The following NXPH1 variants were observed in gnomAD, a reference collection of about 807,000 sequenced individuals.
NXPH1 encodes neurexophilin-1.
A neutral mutation model predicts 23.7 loss-of-function variants in NXPH1; 5 were observed. That is an observed-to-expected ratio of 0.21 (90% confidence interval 0.11 to 0.44). The LOEUF (loss-of-function observed/expected upper bound fraction) is 0.44, where lower values mean the gene tolerates loss of function less well. Among genes scored for constraint, NXPH1 ranks in the 20% least tolerant of loss-of-function variants. The probability of loss-of-function intolerance (pLI) is 0.99; values close to 1 mark genes in which losing one functional copy is unlikely to be tolerated. For synonymous variants in NXPH1, 144 were observed against 122.2 expected (o/e 1.18, Z -1.18); for missense variants, 324 against 321.6 (o/e 1.01, Z -0.06).
chr7:8,564,843 C>G (rs1292912694), intron 2 of NXPH1, among the ~76,000 whole-genome samples: 1 of 151,720 alleles, frequency 6.6e-6, no homozygotes, highest in Non-Finnish European at 1.5e-5. Flanking sequence ...ACAGTCTTTG[C>G]TGGAAATAAG....
rs2107277 is a variant in NXPH1 at position 8,618,337 on chromosome 7, C to A, written c.55-132671C>A. Among the ~76,000 whole-genome samples, 96 of 152,082 alleles carry A rather than the reference C, an allele frequency of 6.3e-4. No homozygotes were observed. The East Asian group carries it at 0.015, about 25-fold the overall frequency. On this transcript the variant is annotated intron_variant, in intron 2 of 2. Coordinates refer to ENST00000405863, the MANE Select transcript of NXPH1 (RefSeq NM_152745.3). ...CTGACTGTATTCATACAGCTGACATCTGTGGCACTAATTCTCAGAGCTGGC... is the reference window on the plus strand; with the variant it reads ...CTGACTGTATTCATACAGCTGACATATGTGGCACTAATTCTCAGAGCTGGC...
chr7:8,483,622 C>G (rs1381160652), intron 2 of NXPH1, among the ~76,000 whole-genome samples: 2 of 152,124 alleles, frequency 1.3e-5, no homozygotes, highest in East Asian at 3.9e-4. Context: ...AACCACATTT[C>G]TAGTGAAATC....
intron 2 of NXPH1, among the ~76,000 whole-genome samples, chr7:8,654,713 A>G (rs143239759): frequency 6.7e-6 from 1 of 150,230 alleles, no homozygotes; most frequent in African/African-American, 2.5e-5. Flanking sequence ...CACATACTTT[A>G]TGTTTGGGAA....
intron 2 of NXPH1, among the ~76,000 whole-genome samples, chr7:8,513,779 A>G (rs930665659): frequency 2.6e-5 from 4 of 152,076 alleles, no homozygotes; most frequent in African/African-American, 9.7e-5. Flanking sequence ...GGTTTGTCAG[A>G]CTTGCCTGCG....
At chr7:8,665,761 T>A (rs1486755064) in intron 2 of NXPH1, among the ~76,000 whole-genome samples, 1 of 142,780 alleles carries the variant, frequency 7.0e-6, no homozygotes, top group South Asian at 2.4e-4. Context: ...GTATTTTATT[T>A]TTTGGTAGCT....
intron 2 of NXPH1, among the ~76,000 whole-genome samples, chr7:8,627,122 A>G (rs1420877676): frequency 6.6e-6 from 1 of 152,152 alleles, no homozygotes; most frequent in Non-Finnish European, 1.5e-5. Context: ...TAAATGGCTA[A>G]TATACATTTA....
intron 2 of NXPH1, among the ~76,000 whole-genome samples, chr7:8,629,078 C>T (rs1820064469): frequency 6.6e-6 from 1 of 151,734 alleles, no homozygotes; most frequent in Admixed American, 6.6e-5. Context: ...TTTTCGAATA[C>T]AAAAGATTCC....
chr7:8,639,141 C>A (rs1208136491), intron 2 of NXPH1, among the ~76,000 whole-genome samples: 3 of 152,126 alleles, frequency 2.0e-5, no homozygotes, highest in Non-Finnish European at 2.9e-5. Flanking sequence ...ACTAAAAAAT[C>A]ATATAAACTA....
At chr7:8,719,808 T>C (rs1375488485) in intron 2 of NXPH1, among the ~76,000 whole-genome samples, 2 of 152,184 alleles carry the variant, frequency 1.3e-5, no homozygotes, top group African/African-American at 4.8e-5. Flanking sequence ...CATAGATCAA[T>C]ATAATTGTAT....
At chr7:8,730,118 C>T (rs919230136) in intron 2 of NXPH1, among the ~76,000 whole-genome samples, 6 of 150,856 alleles carry the variant, frequency 4.0e-5, no homozygotes, top group African/African-American at 1.5e-4. Context: ...CTCTTTTGAT[C>T]TTTGTTGGTT....
intron 2 of NXPH1, among the ~76,000 whole-genome samples, chr7:8,587,996 A>G (rs1422476505): frequency 5.3e-5 from 8 of 152,220 alleles, no homozygotes; most frequent in Admixed American, 4.6e-4. Flanking sequence ...TGTATGAAAA[A>G]AAGCTCATCA....
At chr7:8,454,137 G>A (rs757538687) in intron 2 of NXPH1, among the ~76,000 whole-genome samples, 3 of 151,916 alleles carry the variant, frequency 2.0e-5, no homozygotes, top group Non-Finnish European at 4.4e-5. Context: ...TAACTAATGG[G>A]TACTAGGCTT....
chr7:8,657,526 A>G (rs796968408), intron 2 of NXPH1, among the ~76,000 whole-genome samples: 15 of 152,284 alleles, frequency 9.9e-5, no homozygotes, highest in African/African-American at 3.6e-4. Flanking sequence ...AGGAAGGGTG[A>G]GGAATTTGGG....
chr7:8,634,055 T>C (rs776307973), intron 2 of NXPH1, among the ~76,000 whole-genome samples: 7 of 152,212 alleles, frequency 4.6e-5, no homozygotes, highest in Non-Finnish European at 7.3e-5. Context: ...GATGTGAGGC[T>C]GAAATCGAAT....
intron 2 of NXPH1, among the ~76,000 whole-genome samples, chr7:8,654,903 A>T (rs116351879): frequency 0.011 from 1,709 of 152,276 alleles, 35 homozygotes; most frequent in African/African-American, 0.039. Flanking sequence ...AAAGAGAGAT[A>T]GGTGTGTCTA....
At chr7:8,544,470 A>G (rs946420882) in intron 2 of NXPH1, among the ~76,000 whole-genome samples, 5 of 151,576 alleles carry the variant, frequency 3.3e-5, no homozygotes, top group Admixed American at 3.3e-4. Context: ...TTCTTGAAAG[A>G]CTCATAAAGA....
chr7:8,589,606 G>C (rs1819049959), intron 2 of NXPH1, among the ~76,000 whole-genome samples: 1 of 152,084 alleles, frequency 6.6e-6, no homozygotes, highest in Non-Finnish European at 1.5e-5. Context: ...AAGAGCATTG[G>C]TCATGCAGAC....
At chr7:8,535,756 A>G (rs566735538) in intron 2 of NXPH1, among the ~76,000 whole-genome samples, 3 of 152,158 alleles carry the variant, frequency 2.0e-5, no homozygotes, top group East Asian at 1.9e-4. Flanking sequence ...TTTGTGGACA[A>G]GGTAAAATTT....
At chr7:8,627,863 C>A (rs950290389) in intron 2 of NXPH1, among the ~76,000 whole-genome samples, 2 of 151,968 alleles carry the variant, frequency 1.3e-5, no homozygotes, top group Admixed American at 6.6e-5. Context: ...TAAAAAAAGC[C>A]TCTTTGGTTC....
Sources: gnomAD v4.1 joint callset for allele counts (sites outside exome capture counted in the v4.1 genomes callset) on GRCh38, gnomAD v4.1.1 for gene constraint, MANE v1.5 for transcripts, NCBI Gene and HGNC (gene_info 2026-07-23, HGNC 2026-07-21) for gene names.